The following RTRAF variants were observed in gnomAD, a reference collection of about 807,000 sequenced individuals.
RTRAF encodes RNA transcription, translation and transport factor.
In RTRAF, 14 loss-of-function variants were observed where a neutral mutation model predicts 34.4. The ratio of observed to expected loss-of-function variants is 0.41; its 90% CI spans 0.27 to 0.64. The LOEUF (loss-of-function observed/expected upper bound fraction) is 0.64, where lower values mean the gene tolerates loss of function less well. Ranked by LOEUF, RTRAF falls within the 30% of genes least tolerant of loss-of-function variation. RTRAF has a pLI of 0.34. For synonymous variants in RTRAF, 96 were observed against 95.3 expected (o/e 1.01, Z -0.04); for missense variants, 291 against 288.4 (o/e 1.01, Z -0.06).
In RTRAF at chr14:52,006,269, T is replaced by C. The variant is rs1890777982; in HGVS notation, c.*1753T>C. ...CATATTTAGATTAATATGCTCCCTT[T>C]TGAGACATTATCCAATAGCTTTGCT... On this transcript the variant is annotated 3_prime_UTR_variant, in exon 8 of 8. Coordinates refer to ENST00000261700, the MANE Select transcript of RTRAF (RefSeq NM_016039.3). 4.6e-6 allele frequency: 2 copies of C among 431,488 alleles called. No individual in the cohort carries two copies. Among genetic ancestry groups the C allele is most frequent in the South Asian group, 2.8e-5 (1 of 36,252 alleles). 26.7% of individuals were successfully genotyped at this position (431,488 alleles called of 1,614,324 possible). A position where few individuals can be genotyped will look rare whatever the true frequency, so the allele number is the denominator to read the frequency against.
rs1890888009 is a variant in RTRAF, at chr14:52,008,652, C to T, written c.*4136C>T. 1 of 152,162 alleles carries T rather than the reference C, an allele frequency of 6.6e-6. No individual in the cohort carries two copies. The highest frequency in any genetic ancestry group is 2.4e-5 in the African/African-American group (1 of 41,436). 9.4% of individuals were successfully genotyped at this position (152,162 alleles called of 1,614,324 possible). ...TCAGAATCCCTGCCTCCAAGATACC[C>T]CTTGACTCAACTGCCCCAAAACCCT... On this transcript the variant is annotated 3_prime_UTR_variant, in exon 8 of 8. Coordinates refer to ENST00000261700, the MANE Select transcript of RTRAF (RefSeq NM_016039.3).
rs1039744332 is a variant in RTRAF at position 52,004,852 on chromosome 14, A to G, written c.*336A>G. 38 of 187,044 alleles carry G rather than the reference A, an allele frequency of 2.0e-4. No homozygotes were observed. The highest frequency in any genetic ancestry group is 1.9e-3 in the Admixed American group (32 of 16,528). The allele number at this position is 187,044 out of a possible 1,614,324, so 11.6% of individuals were successfully genotyped here. Reference sequence around the variant, plus strand: ...TTGGAGTAATCTAGAAAATTTTAAAATTGTTACATCTTTGGTATTTATAAA... The same window carrying G: ...TTGGAGTAATCTAGAAAATTTTAAAGTTGTTACATCTTTGGTATTTATAAA... On this transcript the variant is annotated 3_prime_UTR_variant, in exon 8 of 8. Coordinates refer to ENST00000261700, the MANE Select transcript of RTRAF (RefSeq NM_016039.3).
chr14:51,989,838 GGTC>G, intron 1 of RTRAF, 138 bp downstream of exon 1: 3 of 775,738 alleles, frequency 3.9e-6, no homozygotes, highest in Non-Finnish European at 6.1e-6. Context: ...CTCTCCTCTG[GGTC>G]GCCACGTACC....
chr14:52,006,383 C>CT lies in RTRAF; in HGVS notation c.*1869dup. On this transcript the variant is annotated 3_prime_UTR_variant, in exon 8 of 8. Coordinates refer to ENST00000261700, the MANE Select transcript of RTRAF (RefSeq NM_016039.3). ...AAAACATGAAAGGATGAAAAACATC[C>CT]TTGAAGGATCTTATCTGCCAATGAG... The CT allele has an allele frequency of 7.8e-6, 6 of 769,106 alleles. No individual in the cohort carries two copies. Among genetic ancestry groups the CT allele is most frequent in the Non-Finnish European group, 1.3e-5 (6 of 474,058 alleles). The allele number at this position is 769,106 out of a possible 1,614,324, so 47.6% of individuals were successfully genotyped here. A position where few individuals can be genotyped will look rare whatever the true frequency, so the allele number is the denominator to read the frequency against.
In RTRAF at chr14:52,010,170, CTAAG is replaced by C. The variant is rs1890955215; in HGVS notation, c.*5657_*5660del. On this transcript the variant is annotated 3_prime_UTR_variant, in exon 8 of 8. Coordinates refer to ENST00000261700, the MANE Select transcript of RTRAF (RefSeq NM_016039.3). ...TTGAAACCACCTTTGAGGCACTGCA[CTAAG>C]TATTTCATAGTCAAAAAGCACTTAC... is the stretch of plus-strand genomic sequence containing the variant. 1 of 152,134 alleles carries C rather than the reference CTAAG, an allele frequency of 6.6e-6. No homozygotes were observed. Among genetic ancestry groups the C allele is most frequent in the Non-Finnish European group, 1.5e-5 (1 of 68,036 alleles). The allele number at this position is 152,134 out of a possible 1,614,324, so 9.4% of individuals were successfully genotyped here.
At position 52,006,673 on chromosome 14, in the gene RTRAF, AG is replaced by A. The variant is rs1222504827; in HGVS notation, c.*2162del. ...AGTTTTTTGGTTCCTTTTAAAACAAAGGGGGAAAATGAGGTCCTTCAGCTGC... is the reference window on the plus strand; with the variant it reads ...AGTTTTTTGGTTCCTTTTAAAACAAAGGGGAAAATGAGGTCCTTCAGCTGC... On this transcript the variant is annotated 3_prime_UTR_variant, in exon 8 of 8. Coordinates refer to ENST00000261700, the MANE Select transcript of RTRAF (RefSeq NM_016039.3). The A allele has an allele frequency of 6.2e-7, 1 of 1,612,886 alleles. No homozygotes were observed. The highest frequency in any genetic ancestry group is 8.5e-7 in the Non-Finnish European group (1 of 1,179,232).
chr14:51,991,513 ACTTT>A (rs1890434116), intron 2 of RTRAF, 72 bp downstream of exon 2: 2 of 1,490,486 alleles, frequency 1.3e-6, no homozygotes, highest in Non-Finnish European at 1.8e-6. Context: ...GCTTAAAATT[ACTTT>A]CTTCTTTTAA....
intron 6 of RTRAF, 111 bp downstream of exon 6, chr14:52,001,977 C>T (rs1274526639): frequency 4.2e-6 from 4 of 943,234 alleles, no homozygotes; most frequent in Middle Eastern, 3.0e-4. Context: ...CGTTCTACAA[C>T]TTAGAGAAAG....
intron 5 of RTRAF, among the ~76,000 whole-genome samples, chr14:52,000,384 T>A (rs983154494): frequency 3.9e-5 from 6 of 152,162 alleles, no homozygotes; most frequent in Non-Finnish European, 8.8e-5. Context: ...AAGAGGTCTC[T>A]TGTTTCTGAG....
chr14:52,005,893 T>C lies in RTRAF; in HGVS notation c.*1377T>C. The C allele has an allele frequency of 7.1e-7, 1 of 1,416,604 alleles. No homozygotes were observed. The highest frequency in any genetic ancestry group is 1.6e-5 in the African/African-American group (1 of 61,504). 87.8% of individuals were successfully genotyped at this position (1,416,604 alleles called of 1,614,324 possible). ...AGTGAATTCAGGGACAGTCATTTAC[T>C]AGATAAAGAAGTCAGTCAGCCACAG... On this transcript the variant is annotated 3_prime_UTR_variant, in exon 8 of 8. Transcript: ENST00000261700.
intron 3 of RTRAF, among the ~76,000 whole-genome samples, chr14:51,996,362 A>C (rs557183363): frequency 6.6e-6 from 1 of 152,208 alleles, no homozygotes; most frequent in East Asian, 1.9e-4. Flanking sequence ...TTTTACATTG[A>C]TATGTTGCCT....
chr14:51,993,983 T>G (rs1890476969), intron 3 of RTRAF, among the ~76,000 whole-genome samples, 161 bp downstream of exon 3: 1 of 152,220 alleles, frequency 6.6e-6, no homozygotes, highest in Non-Finnish European at 1.5e-5. Flanking sequence ...TCATTGGTGT[T>G]TATATATTTC....
chr14:52,000,000 G>A (rs1481764538), intron 5 of RTRAF: 1 of 448,088 alleles, frequency 2.2e-6, no homozygotes, highest in African/African-American at 2.0e-5. Context: ...TTGCAAAGAT[G>A]TTCTCATTCA....
rs1890833997 is a variant in RTRAF at position 52,007,564 on chromosome 14, T to C, written c.*3048T>C. 4 of 468,990 alleles carry C rather than the reference T, an allele frequency of 8.5e-6. No homozygotes were observed. Among genetic ancestry groups the C allele is most frequent in the Non-Finnish European group, 1.1e-5 (3 of 265,962 alleles). 29.1% of individuals were successfully genotyped at this position (468,990 alleles called of 1,614,324 possible). A position where few individuals can be genotyped will look rare whatever the true frequency, so the allele number is the denominator to read the frequency against. On this transcript the variant is annotated 3_prime_UTR_variant, in exon 8 of 8. Transcript: ENST00000261700. ...CTAATTCTTTTAACTGTTAAAAATATGCCAGGCACTCATGGTCAGGCAAGC... is the reference window on the plus strand; with the variant it reads ...CTAATTCTTTTAACTGTTAAAAATACGCCAGGCACTCATGGTCAGGCAAGC...
In RTRAF at chr14:52,007,887, A is replaced by T; in HGVS notation, c.*3371A>T. 1 of 1,614,000 alleles carries T rather than the reference A, an allele frequency of 6.2e-7. No homozygotes were observed. Among genetic ancestry groups the T allele is most frequent in the Non-Finnish European group, 8.5e-7 (1 of 1,179,866 alleles). ...GGGCAATCCAATGTCTGTATTGATCAGAATTCTTCTGTTTTCTCCATCTAA... is the reference window on the plus strand; with the variant it reads ...GGGCAATCCAATGTCTGTATTGATCTGAATTCTTCTGTTTTCTCCATCTAA... On this transcript the variant is annotated 3_prime_UTR_variant, in exon 8 of 8. Coordinates refer to ENST00000261700, the MANE Select transcript of RTRAF (RefSeq NM_016039.3).
intron 3 of RTRAF, 54 bp downstream of exon 3, chr14:51,993,876 A>G (rs1274181044): frequency 1.1e-5 from 12 of 1,122,532 alleles, no homozygotes; most frequent in Non-Finnish European, 1.0e-5. Flanking sequence ...TGGGAAAGGG[A>G]GTGTGAAAAT....
Position 52,006,280 on chromosome 14 carries a change from T to G in RTRAF, c.*1764T>G. On this transcript the variant is annotated 3_prime_UTR_variant, in exon 8 of 8. Coordinates refer to ENST00000261700, the MANE Select transcript of RTRAF (RefSeq NM_016039.3). ...TAATATGCTCCCTTTTGAGACATTA[T>G]CCAATAGCTTTGCTACTTTTTAAGC... is the stretch of plus-strand genomic sequence containing the variant. 2 of 445,440 alleles carry G rather than the reference T, an allele frequency of 4.5e-6. No homozygotes were observed. Among genetic ancestry groups the G allele is most frequent in the South Asian group, 5.4e-5 (2 of 36,882 alleles). The allele number at this position is 445,440 out of a possible 1,614,324, so 27.6% of individuals were successfully genotyped here.
At position 52,006,372 on chromosome 14, in the gene RTRAF, T is replaced by G. The variant is rs777951004; in HGVS notation, c.*1856T>G. On this transcript the variant is annotated 3_prime_UTR_variant, in exon 8 of 8. Transcript: ENST00000261700. ...GGATGATTTCAAAAACATGAAAGGATGAAAAACATCCTTGAAGGATCTTAT... is the reference window on the plus strand; with the variant it reads ...GGATGATTTCAAAAACATGAAAGGAGGAAAAACATCCTTGAAGGATCTTAT... 1 of 715,668 alleles carries G rather than the reference T, an allele frequency of 1.4e-6. No individual in the cohort carries two copies. The highest frequency in any genetic ancestry group is 2.3e-6 in the Non-Finnish European group (1 of 432,186). The allele number at this position is 715,668 out of a possible 1,614,324, so 44.3% of individuals were successfully genotyped here. A position where few individuals can be genotyped will look rare whatever the true frequency, so the allele number is the denominator to read the frequency against.
intron 6 of RTRAF, among the ~76,000 whole-genome samples, chr14:52,003,857 G>GT (rs1566734887): frequency 1.3e-5 from 2 of 152,190 alleles, no homozygotes; most frequent in African/African-American, 4.8e-5. Flanking sequence ...AAATAAGACA[G>GT]TAACAGCCTG....
Sources: gnomAD v4.1 joint callset for allele counts (sites outside exome capture counted in the v4.1 genomes callset) on GRCh38, gnomAD v4.1.1 for gene constraint, MANE v1.5 for transcripts, NCBI Gene and HGNC (gene_info 2026-07-23, HGNC 2026-07-21) for gene names.